FHDC1: variants seen among roughly 807,000 people sequenced by gnomAD.
FHDC1 encodes FH2 domain containing 1.
Under a neutral mutation model 52.6 loss-of-function variants are expected in FHDC1, and 25 were observed. The observed-to-expected ratio is 0.48, with a 90% CI of 0.35 to 0.66. FHDC1 has a LOEUF of 0.66. Among genes scored for constraint, FHDC1 ranks in the 30% least tolerant of loss-of-function variants. The pLI is 0.01. For missense variants in FHDC1, 1,459 were observed against 1,452.8 expected (o/e 1.00, Z -0.07); for synonymous variants, 616 against 581.5 (o/e 1.06, Z -0.85).
chr4:152,930,725 G>T, the FHDC1 span, among the ~76,000 whole-genome samples: 1 of 152,076 alleles, frequency 6.6e-6, no homozygotes, highest in Non-Finnish European at 1.5e-5. Flanking sequence ...TTAAGATTCT[G>T]ATTGTTGTGG....
the FHDC1 span, among the ~76,000 whole-genome samples, chr4:152,930,366 A>G: frequency 2.0e-5 from 3 of 152,186 alleles, no homozygotes; most frequent in East Asian, 1.9e-4. Flanking sequence ...CTAACATACA[A>G]AAGTTGATCA....
rs553455768 is a variant in FHDC1, at chr4:152,953,487, T to G, written c.499-12T>G. 3 of 1,608,208 alleles carry G rather than the reference T, an allele frequency of 1.9e-6. No individual in the cohort carries two copies. In the Admixed American group the frequency reaches 5.0e-5, roughly 27 times the overall value. ...ATTTAGTAATCCTATGTGTCCTTAT[T>G]TTTTTTTCCAGATTACTATTTTGGA... On this transcript the variant is annotated splice_polypyrimidine_tract_variant and intron_variant, in intron 2 of 11. Transcript: ENST00000511601.
chr4:152,947,814 G>C (rs544589875), intron 2 of FHDC1, among the ~76,000 whole-genome samples: 1 of 26,828 alleles, frequency 3.7e-5, no homozygotes, highest in South Asian at 2.2e-3. Flanking sequence ...CCACAGAAGA[G>C]AGAGAGAGAG....
intron 2 of FHDC1, among the ~76,000 whole-genome samples, chr4:152,950,188 C>T (rs12510260): frequency 0.27 from 41,764 of 152,028 alleles, 7,187 homozygotes; most frequent in East Asian, 0.52. Flanking sequence ...CCACCCAACC[C>T]GACCCGACTT....
chr4:152,956,416 C>CTTCTTTTTCTTATTTA (rs1561207962), intron 4 of FHDC1, among the ~76,000 whole-genome samples: 1 of 152,156 alleles, frequency 6.6e-6, no homozygotes, highest in Non-Finnish European at 1.5e-5. Context: ...AAACTGAATA[C>CTTCTTTTTCTTATTTA]AATTTTCTTA....
chr4:152,943,664 T>C, intron 2 of FHDC1, 109 bp downstream of exon 2: 1 of 1,287,302 alleles, frequency 7.8e-7, no homozygotes. Context: ...AATGAGATAA[T>C]ACAAGCGAAT....
rs1220071966 is a variant in FHDC1 at position 152,952,297 on chromosome 4, AGTTGTTTTTTATTTT to A, written c.499-1201_499-1187del. On this transcript the variant is annotated intron_variant, in intron 2 of 11. Coordinates refer to ENST00000511601, the MANE Select transcript of FHDC1 (RefSeq NM_001371116.1). ...GGGACTCAATCTGCCTTATCTTCAG[AGTTGTTTTTTATTTT>A]CTCAGTTCAAATCTCACGCGATTCT... Among the ~76,000 whole-genome samples the A allele has an allele frequency of 9.8e-5, 15 of 152,316 alleles. No individual in the cohort carries two copies. The East Asian group carries it at 2.9e-3, about 29-fold the overall frequency.
the FHDC1 span, among the ~76,000 whole-genome samples, chr4:152,916,221 GAAGGA>G: frequency 6.6e-6 from 1 of 152,148 alleles, no homozygotes; most frequent in African/African-American, 2.4e-5. Flanking sequence ...TAAGACATTT[GAAGGA>G]AAAACTGAGT....
the FHDC1 span, among the ~76,000 whole-genome samples, chr4:152,913,037 T>C: frequency 6.6e-6 from 1 of 152,144 alleles, no homozygotes; most frequent in East Asian, 1.9e-4. Flanking sequence ...GGCTTCAAAA[T>C]ATGTTAAACT....
intron 3 of FHDC1, among the ~76,000 whole-genome samples, chr4:152,953,861 A>G (rs1408729034): frequency 6.6e-6 from 1 of 152,244 alleles, no homozygotes; most frequent in Non-Finnish European, 1.5e-5. Context: ...TGATGAGTCA[A>G]ATAGCGGTCA....
Position 152,975,504 on chromosome 4 carries a change from C to G in FHDC1, c.2213C>G (p.Ala738Gly). ...GRDALGSLSP[A>G]LEDGKAAPDE... ...GATGCCCTGGGGAGTCTCAGCCCAG[C>G]GCTGGAGGATGGCAAGGCTGCCCCC... The change falls in exon 12 of 12, where the codon GCG (alanine) becomes GGG (glycine). Residue 738 changes from alanine to glycine, a missense_variant. Ala to Gly is a moderately conservative substitution (Grantham distance 60, BLOSUM62 0). Transcript: ENST00000511601. The G allele has an allele frequency of 6.2e-7, 1 of 1,613,432 alleles. No individual in the cohort carries two copies. Among genetic ancestry groups the G allele is most frequent in the Non-Finnish European group, 8.5e-7 (1 of 1,179,986 alleles).
At chr4:152,957,913 A>G (rs1485989007) in intron 4 of FHDC1, among the ~76,000 whole-genome samples, 2 of 151,086 alleles carry the variant, frequency 1.3e-5, no homozygotes, top group Non-Finnish European at 2.9e-5. Flanking sequence ...TTCCCAAGCC[A>G]GGGAACACCC....
At chr4:152,955,745 T>C (rs767015237) in intron 4 of FHDC1, among the ~76,000 whole-genome samples, 9 of 152,244 alleles carry the variant, frequency 5.9e-5, no homozygotes, top group Non-Finnish European at 1.2e-4. Context: ...CCCAAAGTGC[T>C]GGGATTACAG....
upstream of FHDC1, among the ~76,000 whole-genome samples, chr4:152,934,259 A>G (rs1739306114): frequency 6.6e-6 from 1 of 152,212 alleles, no homozygotes; most frequent in South Asian, 2.1e-4. Flanking sequence ...AGAGACAAGC[A>G]AAGGAAAAGC....
chr4:152,976,703 C>A lies in FHDC1; in HGVS notation c.3412C>A (p.Leu1138Ile). 1 of 1,493,240 alleles carries A rather than the reference C, an allele frequency of 6.7e-7. No individual in the cohort carries two copies. The allele number at this position is 1,493,240 out of a possible 1,614,324, so 92.5% of individuals were successfully genotyped here. A position where few individuals can be genotyped will look rare whatever the true frequency, so the allele number is the denominator to read the frequency against. The stretch of plus-strand genomic sequence containing the variant: ...CAGTCGGACCACGCTGGGGAGAATC[C>A]TCAATCCCTTACGGAAGTGATGGGT... ...DSSRTTLGRILNPLRK is the reference protein window; with the variant it reads ...DSSRTTLGRIINPLRK The change falls in exon 12 of 12, where the codon CTC becomes ATC. Residue 1138 changes from leucine (L) to isoleucine (I), a missense_variant. By Grantham distance (5) the Leu-to-Ile change is conservative. Around this residue, in one of 3 missense-constraint regions of FHDC1, gnomAD observed 939 missense variants for 854.5 expected, o/e 1.10. Coordinates refer to ENST00000511601, the MANE Select transcript of FHDC1 (RefSeq NM_001371116.1).
chr4:152,965,628 AAATG>A (rs1237681832), intron 9 of FHDC1, among the ~76,000 whole-genome samples: 4 of 152,210 alleles, frequency 2.6e-5, no homozygotes, highest in African/African-American at 9.7e-5. Context: ...ATCCCACGGT[AAATG>A]TTCAATAACC....
At chr4:152,939,744 A>G (rs1426845604) in intron 1 of FHDC1, among the ~76,000 whole-genome samples, 1 of 152,202 alleles carries the variant, frequency 6.6e-6, no homozygotes, top group Non-Finnish European at 1.5e-5. Flanking sequence ...TTCAGAGCCC[A>G]GCCATGACAG....
At position 152,975,771 on chromosome 4, in the gene FHDC1, G is replaced by GC. The variant is rs1561216989; in HGVS notation, c.2486dup (p.Gly830TrpfsTer11). Reference sequence around the variant, plus strand: ...CAAGTCTCCTCCAACCCTACATCCAGCCCCCCTGGGGAGGCTCCTGCCCCC... The same window carrying GC: ...CAAGTCTCCTCCAACCCTACATCCAGCCCCCCCTGGGGAGGCTCCTGCCCCC... On this transcript the variant is annotated frameshift_variant, in exon 12 of 12. Transcript: ENST00000511601. LOFTEE classifies it low-confidence loss of function (END_TRUNC). 3 of 1,561,670 alleles carry GC rather than the reference G, an allele frequency of 1.9e-6. No individual in the cohort carries two copies. Among genetic ancestry groups the GC allele is most frequent in the Middle Eastern group, 1.7e-4 (1 of 5,816 alleles).
At chr4:152,965,121 T>A in intron 9 of FHDC1, 146 bp downstream of exon 9, 1 of 704,270 alleles carries the variant, frequency 1.4e-6, no homozygotes, top group Admixed American at 3.2e-5. Context: ...TTAACACAGG[T>A]GTGTGTGCAC....
Sources: allele counts gnomAD v4.1 joint callset (sites outside exome capture counted in the v4.1 genomes callset), GRCh38; gene constraint gnomAD v4.1.1; regional missense constraint gnomAD v4.1.1; transcripts MANE v1.5; gene names NCBI Gene and HGNC (gene_info 2026-07-23, HGNC 2026-07-21).